UBE2V2: variants seen among roughly 807,000 people sequenced by gnomAD.
UBE2V2 encodes the protein ubiquitin conjugating enzyme E2 V2.
In UBE2V2, 9 loss-of-function variants were observed where a neutral mutation model predicts 17.2. The observed-to-expected ratio is 0.52, with a 90% CI of 0.32 to 0.91. The LOEUF is 0.91. Ranked by LOEUF, UBE2V2 falls within the 40% of genes least tolerant of loss-of-function variation. The pLI, the probability that UBE2V2 is intolerant of heterozygous loss-of-function variation, is 0.04. For missense variants in UBE2V2, 133 were observed against 182.6 expected (o/e 0.73, Z 1.56); for synonymous variants, 61 against 57.5 (o/e 1.06, Z -0.28).
At chr8:47,998,791 GA>G in the UBE2V2 span, among the ~76,000 whole-genome samples, 1 of 152,002 alleles carries the variant, frequency 6.6e-6, no homozygotes, top group Non-Finnish European at 1.5e-5. Context: ...CAAGAGAAAG[GA>G]AAAATAGACC....
At chr8:48,038,882 G>A in intron 1 of UBE2V2, among the ~76,000 whole-genome samples, 1 of 151,016 alleles carries the variant, frequency 6.6e-6, no homozygotes, top group Admixed American at 6.6e-5. Context: ...CTCCCAAAGT[G>A]TTGGGATTAC....
chr8:48,027,348 C>A (rs1263198744), intron 1 of UBE2V2, among the ~76,000 whole-genome samples: 4 of 152,138 alleles, frequency 2.6e-5, no homozygotes, highest in Non-Finnish European at 4.4e-5. Flanking sequence ...ATGAAGGTCC[C>A]AGTTTCTCCA....
chr8:48,055,103 A>C (rs557929579), intron 3 of UBE2V2, among the ~76,000 whole-genome samples: 74 of 152,076 alleles, frequency 4.9e-4, no homozygotes, highest in African/African-American at 1.8e-3. Context: ...TAGGCTAAGG[A>C]GGTTGCCACT....
intron 3 of UBE2V2, among the ~76,000 whole-genome samples, chr8:48,058,782 A>C (rs900670322): frequency 2.6e-5 from 4 of 151,916 alleles, no homozygotes; most frequent in Admixed American, 2.6e-4. Context: ...GGATTTTGTC[A>C]GATGCTTTTT....
At chr8:48,024,930 T>G (rs555846976) in intron 1 of UBE2V2, among the ~76,000 whole-genome samples, 19 of 151,988 alleles carry the variant, frequency 1.3e-4, no homozygotes, top group African/African-American at 4.3e-4. Flanking sequence ...ATTTGTTCCC[T>G]TACTGATTTT....
the UBE2V2 span, among the ~76,000 whole-genome samples, chr8:47,999,739 T>A: frequency 6.6e-6 from 1 of 152,126 alleles, no homozygotes; most frequent in Non-Finnish European, 1.5e-5. Context: ...TGTAGCAGGA[T>A]GAGCCACAGA....
intron 1 of UBE2V2, among the ~76,000 whole-genome samples, chr8:48,018,347 G>T (rs2091283628): frequency 6.6e-6 from 1 of 152,150 alleles, no homozygotes; most frequent in South Asian, 2.1e-4. Flanking sequence ...TTTGTATGCT[G>T]TGTGTTTCAG....
At chr8:48,014,891 A>G (rs2091258087) in intron 1 of UBE2V2, among the ~76,000 whole-genome samples, 2 of 151,350 alleles carry the variant, frequency 1.3e-5, no homozygotes. Flanking sequence ...TCTACCAAAA[A>G]TACAAAAAAC....
chr8:48,032,488 C>T (rs2091390398), intron 1 of UBE2V2, among the ~76,000 whole-genome samples: 1 of 152,068 alleles, frequency 6.6e-6, no homozygotes. Flanking sequence ...GCATGGGGCT[C>T]ACACCTATAA....
At chr8:48,030,154 C>A (rs2091373010) in intron 1 of UBE2V2, among the ~76,000 whole-genome samples, 2 of 152,186 alleles carry the variant, frequency 1.3e-5, no homozygotes, top group South Asian at 2.1e-4. Flanking sequence ...CAGGTGAAAT[C>A]TTCTGCAATA....
intron 3 of UBE2V2, among the ~76,000 whole-genome samples, chr8:48,051,887 C>G (rs552938676): frequency 1.5e-3 from 225 of 152,274 alleles, no homozygotes; most frequent in Non-Finnish European, 2.0e-3. Context: ...AACACCCCCC[C>G]ACCCCTGTGC....
chr8:48,034,129 T>C (rs1258084646), intron 1 of UBE2V2, among the ~76,000 whole-genome samples: 1 of 98,788 alleles, frequency 1.0e-5, no homozygotes, highest in Non-Finnish European at 1.7e-5. Context: ...TTTCTTTTCC[T>C]TTTTTTTTTT....
At chr8:48,042,286 AAAT>A (rs1403808887) in intron 1 of UBE2V2, 3 of 152,230 alleles carry the variant, frequency 2.0e-5, no homozygotes, top group Non-Finnish European at 4.4e-5. Context: ...ACACATTAAA[AAAT>A]GTATTATCTA....
At chr8:48,008,611 C>T (rs1379407185) in intron 1 of UBE2V2, 141 bp downstream of exon 1, 3 of 1,289,590 alleles carry the variant, frequency 2.3e-6, no homozygotes, top group Admixed American at 3.8e-5. Context: ...CAGAGCGTAG[C>T]CTGGGACCGG....
intron 1 of UBE2V2, among the ~76,000 whole-genome samples, chr8:48,036,892 T>C (rs953020437): frequency 1.3e-5 from 2 of 151,946 alleles, no homozygotes; most frequent in Non-Finnish European, 2.9e-5. Context: ...TTAATATATA[T>C]GAGCTGGCCA....
chr8:48,038,034 G>A (rs1246390503), intron 1 of UBE2V2, among the ~76,000 whole-genome samples: 1 of 152,040 alleles, frequency 6.6e-6, no homozygotes, highest in Non-Finnish European at 1.5e-5. Context: ...CCCAAACATT[G>A]CCCAGCATTC....
intron 1 of UBE2V2, among the ~76,000 whole-genome samples, chr8:48,019,649 T>C (rs1268795405): frequency 6.6e-6 from 1 of 151,402 alleles, no homozygotes; most frequent in Admixed American, 6.6e-5. Context: ...ACCCCGTCTC[T>C]ACTAAAAATA....
chr8:48,059,996 A>G (rs1198849381), intron 3 of UBE2V2, among the ~76,000 whole-genome samples: 1 of 152,064 alleles, frequency 6.6e-6, no homozygotes, highest in Non-Finnish European at 1.5e-5. Context: ...ACTTGAGCTC[A>G]GGAGTTCAAG....
intron 1 of UBE2V2, among the ~76,000 whole-genome samples, chr8:48,034,689 A>G (rs1326094866): frequency 6.6e-6 from 1 of 151,956 alleles, no homozygotes; most frequent in East Asian, 1.9e-4. Flanking sequence ...TGGCTTCTTA[A>G]GTTTTTGCAC....
Sources: allele counts gnomAD v4.1 joint callset (sites outside exome capture counted in the v4.1 genomes callset), GRCh38; gene constraint gnomAD v4.1.1; transcripts MANE v1.5; gene names NCBI Gene and HGNC (gene_info 2026-07-23, HGNC 2026-07-21).